Variants in AGAP1 observed in about 807,000 individuals in gnomAD.
AGAP1 encodes the protein arf-GAP with GTPase, ANK repeat and PH domain-containing protein 1.
AGAP1 carries 29 observed loss-of-function variants against 105.3 expected under a neutral mutation model. The ratio of observed to expected loss-of-function variants is 0.28; its 90% CI spans 0.21 to 0.38. The LOEUF is 0.38. Among genes scored for constraint, AGAP1 ranks in the 10% least tolerant of loss-of-function variants. The probability of loss-of-function intolerance (pLI) is 1.00; values close to 1 mark genes in which losing one functional copy is unlikely to be tolerated. For missense variants in AGAP1, 998 were observed against 1,165.1 expected, an observed-to-expected ratio of 0.86 and a Z score of 2.09; for synonymous variants, 509 against 485.9, an observed-to-expected ratio of 1.05 and a Z score of -0.63.
At chr2:235,802,241 T>C (rs1957529108) in intron 8 of AGAP1, among the ~76,000 whole-genome samples, 1 of 152,156 alleles carries the variant, frequency 6.6e-6, no homozygotes, top group African/African-American at 2.4e-5. Context: ...GGATTCACCC[T>C]GCAGACACAC....
At chr2:235,955,175 C>G (rs1163396823) in intron 12 of AGAP1, among the ~76,000 whole-genome samples, 1 of 152,254 alleles carries the variant, frequency 6.6e-6, no homozygotes, top group Non-Finnish European at 1.5e-5. Context: ...TAGGCTGGGG[C>G]TGGAGCTGCC....
In AGAP1 at chr2:235,569,101, C is replaced by T. The variant is rs928522950; in HGVS notation, c.163+74252C>T. On this transcript the variant is annotated intron_variant, in intron 1 of 17. Transcript: ENST00000304032. This position sits in a 1 kb window ranked among gnomAD's most constrained non-coding sequence, Gnocchi z 5.9. ...TTGGGGGACCCATGATTCAGTTTCC[C>T]TCACGTTGTCAGAGACCATCCTGGC... Among the ~76,000 whole-genome samples the T allele has an allele frequency of 1.7e-4, 26 of 152,174 alleles. No homozygotes were observed. Among genetic ancestry groups the T allele is most frequent in the African/African-American group, 6.3e-4 (26 of 41,444 alleles).
intron 9 of AGAP1, among the ~76,000 whole-genome samples, chr2:235,816,783 T>G (rs912919228): frequency 6.6e-6 from 1 of 151,708 alleles, no homozygotes; most frequent in Non-Finnish European, 1.5e-5. Flanking sequence ...CCCACCTACC[T>G]GGGAAGCCGA....
intron 15 of AGAP1, among the ~76,000 whole-genome samples, chr2:236,047,882 A>C (rs1454314337): frequency 6.6e-6 from 1 of 151,948 alleles, no homozygotes; most frequent in Non-Finnish European, 1.5e-5. Context: ...GATTACAGGC[A>C]TGAGCCACCA....
intron 1 of AGAP1, chr2:235,670,746 T>TGCTCAGCAAGAACGACGC (rs1056311946): frequency 1.1e-6 from 1 of 943,626 alleles, no homozygotes; most frequent in East Asian, 3.1e-5. Flanking sequence ...GTGGGCGAGG[T>TGCTCAGCAAGAACGACGC]GCTCAGCAAG....
intron 1 of AGAP1, among the ~76,000 whole-genome samples, chr2:235,583,863 G>A (rs1945014848): frequency 1.5e-5 from 2 of 134,880 alleles, no homozygotes; most frequent in Non-Finnish European, 3.1e-5. Flanking sequence ...GATAAAATGA[G>A]ATCATGTCTT....
rs200031608 is a variant in AGAP1 at position 235,873,912 on chromosome 2, A to G, written c.1051-9433A>G. Among the ~76,000 whole-genome samples the G allele has an allele frequency of 7.2e-5, 11 of 152,156 alleles. No individual in the cohort carries two copies. In the East Asian group the frequency reaches 2.1e-3, roughly 29 times the overall value. ...CCGGCTAATTTGTGTATTTTTTTGT[A>G]GAGACGGGGTTTCAACTTGTTGCCC... On this transcript the variant is annotated intron_variant, in intron 9 of 17. Coordinates refer to ENST00000304032, the MANE Select transcript of AGAP1 (RefSeq NM_001037131.3).
At chr2:235,520,808 A>G (rs1195964820) in intron 1 of AGAP1, among the ~76,000 whole-genome samples, 1 of 152,126 alleles carries the variant, frequency 6.6e-6, no homozygotes, top group African/African-American at 2.4e-5. Context: ...AAAATTGACT[A>G]ATTAGTTTTA....
Position 236,014,826 on chromosome 2 carries a change from T to C in AGAP1, c.1646-21735T>C. ...GCAGCCAAACGCAAAGCATGGAAAC[T>C]AAACCGTGTTGGTAGCCTGCGAAAT... On this transcript the variant is annotated intron_variant, in intron 13 of 17. Coordinates refer to ENST00000304032, the MANE Select transcript of AGAP1 (RefSeq NM_001037131.3). This position sits in a 1 kb window ranked among gnomAD's most constrained non-coding sequence, Gnocchi z 6.3. 2.2e-6 allele frequency: 1 copy of C among 459,114 alleles called. No individual in the cohort carries two copies. The highest frequency in any genetic ancestry group is 1.6e-5 in the South Asian group (1 of 62,894). 28.4% of individuals were successfully genotyped at this position (459,114 alleles called of 1,614,324 possible).
chr2:235,897,898 G>A lies in AGAP1; in HGVS notation c.1156-10840G>A, dbSNP rs1409725396. Among the ~76,000 whole-genome samples, 3 of 152,286 alleles carry A rather than the reference G, an allele frequency of 2.0e-5. No homozygotes were observed. The East Asian group carries it at 5.8e-4, about 29-fold the overall frequency. The stretch of plus-strand genomic sequence containing the variant: ...GGTAGGGAGGGGCAGGGCTGGAGAG[G>A]CCTGTTTCTTCTCAGGTGTGCCTGT... On this transcript the variant is annotated intron_variant, in intron 10 of 17. Transcript: ENST00000304032.
chr2:235,538,458 T>TGTGTGTGTGTGTGTGTGC (rs1559233079), intron 1 of AGAP1, among the ~76,000 whole-genome samples: 4 of 150,408 alleles, frequency 2.7e-5, no homozygotes, highest in African/African-American at 5.0e-5. Context: ...TGTGTGTGTG[T>TGTGTGTGTGTGTGTGTGC]GTGCATGCTT....
intron 1 of AGAP1, among the ~76,000 whole-genome samples, chr2:235,564,638 G>A (rs1306423679): frequency 6.8e-6 from 1 of 147,154 alleles, no homozygotes; most frequent in African/African-American, 2.6e-5. Context: ...CCAGGGCCAG[G>A]TGTGAGCCTG....
chr2:235,579,130 G>A (rs1039749308), intron 1 of AGAP1, among the ~76,000 whole-genome samples: 2 of 152,170 alleles, frequency 1.3e-5, no homozygotes, highest in Admixed American at 6.5e-5. Flanking sequence ...TCATTTTTGT[G>A]GCTGGTTTAC....
chr2:235,878,915 G>A (rs1343361126), intron 9 of AGAP1, among the ~76,000 whole-genome samples: 2 of 152,188 alleles, frequency 1.3e-5, no homozygotes, highest in African/African-American at 2.4e-5. Context: ...CTGAGCAGCC[G>A]CCCCTTGGTG....
rs374361269 is a variant in AGAP1 at position 236,098,295 on chromosome 2, G to A, written c.2115-21897G>A. Among the ~76,000 whole-genome samples the A allele has an allele frequency of 3.9e-5, 6 of 152,132 alleles. No individual in the cohort carries two copies. In the South Asian group the frequency reaches 1.2e-3, roughly 32 times the overall value. Reference sequence around the variant, plus strand: ...CGTTTTATTCATTTAAAATATTGTTGGGCCAGGTGCAGGGGCTCACACCTG... The same window carrying A: ...CGTTTTATTCATTTAAAATATTGTTAGGCCAGGTGCAGGGGCTCACACCTG... On this transcript the variant is annotated intron_variant, in intron 16 of 17. Coordinates refer to ENST00000304032, the MANE Select transcript of AGAP1 (RefSeq NM_001037131.3).
At chr2:236,004,988 T>C (rs994857368) in intron 13 of AGAP1, among the ~76,000 whole-genome samples, 21 of 152,238 alleles carry the variant, frequency 1.4e-4, no homozygotes, top group Non-Finnish European at 2.5e-4. Flanking sequence ...ATATTCCTGT[T>C]CAAGATGCTT....
At position 236,109,021 on chromosome 2, in the gene AGAP1, A is replaced by G. The variant is rs1461008064; in HGVS notation, c.2115-11171A>G. Among the ~76,000 whole-genome samples, 1 of 152,202 alleles carries G rather than the reference A, an allele frequency of 6.6e-6. No homozygotes were observed. Among genetic ancestry groups the G allele is most frequent in the East Asian group, 1.9e-4 (1 of 5,194 alleles). On this transcript the variant is annotated intron_variant, in intron 16 of 17. Transcript: ENST00000304032. This position sits in a 1 kb window ranked among gnomAD's most constrained non-coding sequence, Gnocchi z 5.4. ...CCCTGCCAGGACCAAAACACAGCTG[A>G]TGGTGGCTGTGTGAGACCTCATCTT... is the stretch of plus-strand genomic sequence containing the variant.
chr2:235,826,025 T>C (rs75857260), intron 9 of AGAP1, among the ~76,000 whole-genome samples: 1 of 149,386 alleles, frequency 6.7e-6, no homozygotes, highest in South Asian at 2.1e-4. Flanking sequence ...AAAAAAAAAA[T>C]AGAAACCCTC....
In AGAP1 at chr2:235,733,212, C is replaced by T. The variant is rs1343776095; in HGVS notation, c.311-7751C>T. Among the ~76,000 whole-genome samples, 1 of 152,216 alleles carries T rather than the reference C, an allele frequency of 6.6e-6. No homozygotes were observed. Among genetic ancestry groups the T allele is most frequent in the Non-Finnish European group, 1.5e-5 (1 of 68,038 alleles). ...CTGCGTGGGTCACTTCTCCCGCTCA[C>T]CAGGCAACACGGGCATCTTCTTTGC... On this transcript the variant is annotated intron_variant, in intron 3 of 17. Transcript: ENST00000304032. The surrounding 1 kb of genome is among the most constrained non-coding windows in gnomAD (Gnocchi z 5.0).
Sources: allele counts gnomAD v4.1 joint callset (sites outside exome capture counted in the v4.1 genomes callset), GRCh38; gene constraint gnomAD v4.1.1; non-coding constraint Gnocchi (gnomAD v3.1); transcripts MANE v1.5; gene names NCBI Gene and HGNC (gene_info 2026-07-23, HGNC 2026-07-21).